The following BMERB1 variants were observed in gnomAD, a reference collection of about 807,000 sequenced individuals.
BMERB1 encodes the protein bMERB domain containing 1.
A neutral mutation model predicts 23.6 loss-of-function variants in BMERB1; 12 were observed. The ratio of observed to expected loss-of-function variants is 0.51; its 90% CI spans 0.33 to 0.82. BMERB1 has a LOEUF of 0.82. Among genes scored for constraint, BMERB1 ranks in the 40% least tolerant of loss-of-function variants. The pLI is 0.03. For missense variants in BMERB1, 247 were observed against 255.4 expected, an observed-to-expected ratio of 0.97 and a Z score of 0.22; for synonymous variants, 122 against 96.6, an observed-to-expected ratio of 1.26 and a Z score of -1.54.
chr16:15,579,480 A>G (rs570426953), intron 3 of BMERB1, among the ~76,000 whole-genome samples: 1 of 152,128 alleles, frequency 6.6e-6, no homozygotes, highest in Non-Finnish European at 1.5e-5. Context: ...CTATCCAAAT[A>G]TTATGTTCTC....
intron 1 of BMERB1, among the ~76,000 whole-genome samples, chr16:15,451,244 T>C (rs1050459388): frequency 4.6e-5 from 7 of 152,116 alleles, no homozygotes; most frequent in Admixed American, 2.0e-4. Context: ...CAGGCTGGAG[T>C]ACAGTGGTGT....
At chr16:15,511,375 C>T (rs938196570) in intron 1 of BMERB1, among the ~76,000 whole-genome samples, 2 of 152,160 alleles carry the variant, frequency 1.3e-5, no homozygotes, top group Admixed American at 6.5e-5. Context: ...CTTCGGGACC[C>T]GCCATCTTTA....
chr16:15,526,450 G>A (rs2051905621), intron 2 of BMERB1, among the ~76,000 whole-genome samples: 1 of 152,152 alleles, frequency 6.6e-6, no homozygotes, highest in East Asian at 1.9e-4. Flanking sequence ...TGGATCACAA[G>A]TTCAGGAGAT....
At chr16:15,523,460 C>T (rs1422380685) in intron 2 of BMERB1, among the ~76,000 whole-genome samples, 1 of 152,072 alleles carries the variant, frequency 6.6e-6, no homozygotes, top group East Asian at 1.9e-4. Flanking sequence ...GGGACCACAC[C>T]CTCCTCTACC....
intron 1 of BMERB1, among the ~76,000 whole-genome samples, chr16:15,467,702 C>T (rs1384569790): frequency 6.6e-6 from 1 of 152,126 alleles, no homozygotes; most frequent in Non-Finnish European, 1.5e-5. Context: ...TTTGAAGATA[C>T]TTATTCTGAG....
chr16:15,437,437 C>T (rs1385608033), intron 1 of BMERB1, among the ~76,000 whole-genome samples: 3 of 152,114 alleles, frequency 2.0e-5, no homozygotes, highest in East Asian at 1.9e-4. Flanking sequence ...TGTTCACTTC[C>T]ATTCGGTTAC....
intron 1 of BMERB1, among the ~76,000 whole-genome samples, chr16:15,469,897 A>G (rs2051214707): frequency 6.6e-6 from 1 of 152,190 alleles, no homozygotes; most frequent in Admixed American, 6.5e-5. Context: ...AAGTTATTGG[A>G]GATCTACGTA....
At chr16:15,482,668 C>T (rs140097258) in intron 1 of BMERB1, among the ~76,000 whole-genome samples, 1 of 151,984 alleles carries the variant, frequency 6.6e-6, no homozygotes, top group African/African-American at 2.4e-5. Context: ...CAAAGCAAGG[C>T]GACTTCTGGG....
chr16:15,523,568 A>T (rs1035485880), intron 2 of BMERB1, among the ~76,000 whole-genome samples: 2 of 152,112 alleles, frequency 1.3e-5, no homozygotes, highest in African/African-American at 2.4e-5. Flanking sequence ...GGTCTCAGTC[A>T]TCAAGCTGTG....
rs369018831 is a variant in BMERB1, at chr16:15,516,386, C to T, written c.230+958C>T. ...AGTGAACTATGATCATACCATTGCA[C>T]TCCAACCTGGGAGACACAGTGAGAG... On this transcript the variant is annotated intron_variant, in intron 2 of 5. Transcript: ENST00000300006. Among the ~76,000 whole-genome samples, 18 of 152,166 alleles carry T rather than the reference C, an allele frequency of 1.2e-4. No homozygotes were observed. The East Asian group carries it at 1.3e-3, about 11-fold the overall frequency.
chr16:15,578,218 C>G (rs1302932889), intron 3 of BMERB1, among the ~76,000 whole-genome samples: 1 of 149,272 alleles, frequency 6.7e-6, no homozygotes, highest in Non-Finnish European at 1.5e-5. Context: ...TGTGTCTTCT[C>G]TTCTCCTCTT....
intron 2 of BMERB1, among the ~76,000 whole-genome samples, chr16:15,554,560 A>G (rs1227404552): frequency 6.6e-6 from 1 of 151,740 alleles, no homozygotes; most frequent in Non-Finnish European, 1.5e-5. Context: ...GCTACTTGGG[A>G]GGCTGAAGCA....
chr16:15,441,289 G>A lies in BMERB1; in HGVS notation c.106+6530G>A, dbSNP rs188894071. On this transcript the variant is annotated intron_variant, in intron 1 of 5. Transcript: ENST00000300006. ...GATAGAGTGCTGTGGTGAGATCTCG[G>A]ATCACTGCAGCTTCAACCTCCTGGG... Among the ~76,000 whole-genome samples, 572 of 151,834 alleles carry A rather than the reference G, an allele frequency of 3.8e-3. 2 individuals carry two copies. The highest frequency in any genetic ancestry group is 6.5e-3 in the Non-Finnish European group (439 of 67,944).
At chr16:15,467,969 A>G (rs996016282) in intron 1 of BMERB1, among the ~76,000 whole-genome samples, 1 of 152,140 alleles carries the variant, frequency 6.6e-6, no homozygotes, top group Non-Finnish European at 1.5e-5. Context: ...CTACAGACTG[A>G]GAATCAATAG....
chr16:15,448,785 CTG>C (rs1379540692), intron 1 of BMERB1, among the ~76,000 whole-genome samples: 1 of 152,120 alleles, frequency 6.6e-6, no homozygotes, highest in Admixed American at 6.6e-5. Context: ...GAGCAAGAAT[CTG>C]TCTCAAAAAA....
chr16:15,463,639 TAAC>T (rs2051155748), intron 1 of BMERB1, among the ~76,000 whole-genome samples: 1 of 152,282 alleles, frequency 6.6e-6, no homozygotes, highest in Non-Finnish European at 1.5e-5. Flanking sequence ...AGTGTAGCCT[TAAC>T]AATGAATCGT....
chr16:15,490,396 C>T (rs1230910268), intron 1 of BMERB1, among the ~76,000 whole-genome samples: 1 of 152,200 alleles, frequency 6.6e-6, no homozygotes, highest in Non-Finnish European at 1.5e-5. Context: ...GATCCTCCTG[C>T]CTCAACCTTC....
At chr16:15,439,044 G>A (rs890128241) in intron 1 of BMERB1, among the ~76,000 whole-genome samples, 2 of 152,210 alleles carry the variant, frequency 1.3e-5, no homozygotes, top group Admixed American at 6.5e-5. Flanking sequence ...CACTGAGTAG[G>A]TGTAAATTAA....
intron 2 of BMERB1, among the ~76,000 whole-genome samples, chr16:15,554,917 C>T (rs891144024): frequency 1.3e-5 from 2 of 152,086 alleles, no homozygotes; most frequent in African/African-American, 2.4e-5. Flanking sequence ...CCGCCCGCCT[C>T]GGCCTCCCAA....
Sources: gnomAD v4.1 joint callset for allele counts (sites outside exome capture counted in the v4.1 genomes callset) on GRCh38, gnomAD v4.1.1 for gene constraint, MANE v1.5 for transcripts, NCBI Gene and HGNC (gene_info 2026-07-23, HGNC 2026-07-21) for gene names.